The following TNN variants were observed in gnomAD, a reference collection of about 807,000 sequenced individuals.
TNN encodes tenascin-N.
Under a neutral mutation model 134.4 loss-of-function variants are expected in TNN, and 122 were observed. The ratio of observed to expected loss-of-function variants is 0.91; its 90% CI spans 0.78 to 1.06. TNN has a LOEUF of 1.06. Among genes scored for constraint, TNN ranks in the 50% least tolerant of loss-of-function variants. The pLI is 0.00. For missense variants in TNN, 1,739 were observed against 1,699.4 expected (o/e 1.02, Z -0.41); for synonymous variants, 710 against 670.3 (o/e 1.06, Z -0.91).
At chr1:175,111,752 C>A (rs1177915751) in intron 9 of TNN, among the ~76,000 whole-genome samples, 1 of 149,398 alleles carries the variant, frequency 6.7e-6, no homozygotes, top group African/African-American at 2.5e-5. Flanking sequence ...TTAAAAGTAG[C>A]TATTGTAAAA....
chr1:175,101,276 C>T (rs553028992), intron 9 of TNN, among the ~76,000 whole-genome samples: 30 of 152,018 alleles, frequency 2.0e-4, no homozygotes, highest in East Asian at 1.9e-3. Flanking sequence ...CAGACCTTCG[C>T]GGTGAGTGTT....
chr1:175,120,958 AC>A, intron 11 of TNN, among the ~76,000 whole-genome samples: 2 of 151,934 alleles, frequency 1.3e-5, no homozygotes, highest in South Asian at 2.1e-4. Flanking sequence ...GTGCCACTAA[AC>A]CTGTAATTTT....
rs149875932 is a variant in TNN, at chr1:175,118,720, G to A, written c.2546G>A (p.Ser849Asn). 3.0e-5 allele frequency: 49 copies of A among 1,614,128 alleles called. 2 individuals carry two copies. In the South Asian group the frequency reaches 4.2e-4, roughly 14 times the overall value. The change falls in exon 11 of 19, where the codon AGC (serine) becomes AAC (asparagine). Residue 849 changes from serine to asparagine, a missense_variant. Ser to Asn is a conservative substitution (Grantham distance 46, BLOSUM62 1). Coordinates refer to ENST00000239462, the MANE Select transcript of TNN (RefSeq NM_022093.2). ...REVPVGKEQS[S>N]TVLTGLRPGM... The stretch of plus-strand genomic sequence containing the variant: ...GTTCCAGTGGGGAAGGAGCAGAGCA[G>A]CACTGTCCTGACGGGCCTGAGGCCG...
chr1:175,129,103 A>G (rs1480849521), intron 15 of TNN, among the ~76,000 whole-genome samples: 1 of 152,216 alleles, frequency 6.6e-6, no homozygotes, highest in Non-Finnish European at 1.5e-5. Flanking sequence ...CCCTATGTAC[A>G]AGACTTGTTT....
At chr1:175,069,650 A>T (rs1176762654) in intron 1 of TNN, among the ~76,000 whole-genome samples, 1 of 152,186 alleles carries the variant, frequency 6.6e-6, no homozygotes, top group Non-Finnish European at 1.5e-5. Context: ...ACATGAGATC[A>T]TGGTTTAGGT....
At chr1:175,087,437 A>G (rs565562544) in intron 6 of TNN, among the ~76,000 whole-genome samples, 4 of 152,374 alleles carry the variant, frequency 2.6e-5, no homozygotes, top group East Asian at 3.9e-4. Flanking sequence ...AACAAAAGGA[A>G]AGGCAGCTTC....
chr1:175,080,327 G>T lies in TNN; in HGVS notation c.949G>T (p.Glu317Ter). The T allele has an allele frequency of 6.2e-7, 1 of 1,614,124 alleles. No individual in the cohort carries two copies. Among genetic ancestry groups the T allele is most frequent in the Non-Finnish European group, 8.5e-7 (1 of 1,180,004 alleles). ...AGTGCCCAAGGAGCAGCACAGCTAT[G>T]AGATTCTTGGTTTGCTGCCTGGAAC... ...IQVPKEQHSY[E>*]ILGLLPGTKY... The change falls in exon 4 of 19, where the codon GAG becomes TAG. Residue 317 changes from glutamate (E) to a stop codon, truncating the protein, a stop_gained. Transcript: ENST00000239462. LOFTEE classifies it high-confidence loss of function.
intron 1 of TNN, among the ~76,000 whole-genome samples, chr1:175,072,461 A>G (rs559024392): frequency 7.9e-5 from 12 of 152,194 alleles, no homozygotes; most frequent in Non-Finnish European, 1.6e-4. Context: ...CCCTATTTGG[A>G]AATGTATCAT....
chr1:175,111,115 C>T (rs576926465), intron 9 of TNN, among the ~76,000 whole-genome samples: 24 of 151,970 alleles, frequency 1.6e-4, no homozygotes, highest in African/African-American at 4.8e-4. Context: ...GACAGAAGTT[C>T]GAGACCAGCC....
chr1:175,140,992 T>C (rs964453043), intron 17 of TNN, among the ~76,000 whole-genome samples: 3 of 152,204 alleles, frequency 2.0e-5, no homozygotes, highest in African/African-American at 7.2e-5. Context: ...CCAGCCTCTA[T>C]CTTCATTTTA....
chr1:175,080,156 C>G lies in TNN; in HGVS notation c.785-7C>G. On this transcript the variant is annotated splice_region_variant and splice_polypyrimidine_tract_variant and intron_variant, in intron 3 of 18. Transcript: ENST00000239462. ...CCCTCTCTGCCCTGTTCCTGTTCTG[C>G]CTGCAGTGGTCACCCCACAGGGCCT... 2 of 1,613,322 alleles carry G rather than the reference C, an allele frequency of 1.2e-6. No individual in the cohort carries two copies. The highest frequency in any genetic ancestry group is 1.7e-6 in the Non-Finnish European group (2 of 1,179,820).
In TNN at chr1:175,083,874, G is replaced by A. The variant is rs1466790559; in HGVS notation, c.1173G>A (p.Gln391=). Residue 391 remains glutamine (Q), a synonymous_variant, in exon 5 of 19, where the codon CAG becomes CAA. Coordinates refer to ENST00000239462, the MANE Select transcript of TNN (RefSeq NM_022093.2). ...TGCGATATGGCCCCATGACAGGACAGGAGGTAGCTGAGGTCACTGTGCCCA... is the reference window on the plus strand; with the variant it reads ...TGCGATATGGCCCCATGACAGGACAAGAGGTAGCTGAGGTCACTGTGCCCA... The part of the protein sequence containing the change: ...YKLRYGPMTG[Q]EVAEVTVPKS... 2 of 1,614,202 alleles carry A rather than the reference G, an allele frequency of 1.2e-6. No homozygotes were observed. The highest frequency in any genetic ancestry group is 1.1e-5 in the South Asian group (1 of 91,084).
At chr1:175,124,582 G>A (rs1201433889) in intron 12 of TNN, among the ~76,000 whole-genome samples, 1 of 152,192 alleles carries the variant, frequency 6.6e-6, no homozygotes, top group Non-Finnish European at 1.5e-5. Flanking sequence ...TTGGGAGGCT[G>A]AGACAGGAGA....
intron 7 of TNN, among the ~76,000 whole-genome samples, chr1:175,095,562 T>TTTTG (rs947513717): frequency 6.6e-6 from 1 of 152,036 alleles, no homozygotes; most frequent in Admixed American, 6.5e-5. Context: ...GGGTCAGCAT[T>TTTTG]TTTGTTTGTT....
chr1:175,090,436 A>T (rs1674417523), intron 6 of TNN, among the ~76,000 whole-genome samples: 1 of 122,114 alleles, frequency 8.2e-6, no homozygotes, highest in Non-Finnish European at 1.7e-5. Flanking sequence ...CAAATCAATG[A>T]CACAGGTCCT....
intron 11 of TNN, among the ~76,000 whole-genome samples, chr1:175,122,945 A>T (rs776161108): frequency 6.6e-6 from 1 of 152,150 alleles, no homozygotes; most frequent in South Asian, 2.1e-4. Context: ...TTAACATAAG[A>T]TGTCAACAGG....
intron 12 of TNN, among the ~76,000 whole-genome samples, chr1:175,126,096 G>C (rs548989764): frequency 3.2e-4 from 26 of 81,500 alleles, no homozygotes; most frequent in Admixed American, 1.8e-3. Context: ...ATAACTTTTT[G>C]TTTCTTTCTT....
At chr1:175,071,263 T>A (rs1673907938) in intron 1 of TNN, among the ~76,000 whole-genome samples, 1 of 152,178 alleles carries the variant, frequency 6.6e-6, no homozygotes. Context: ...AAGTAGTATT[T>A]TTTTTTTCCT....
chr1:175,143,128 C>T (rs1029828675), intron 17 of TNN, among the ~76,000 whole-genome samples: 2 of 152,172 alleles, frequency 1.3e-5, no homozygotes, highest in South Asian at 2.1e-4. Context: ...TGTTTGTGGA[C>T]GGTGGGACCT....
Sources: gnomAD v4.1 joint callset for allele counts (sites outside exome capture counted in the v4.1 genomes callset) on GRCh38, gnomAD v4.1.1 for gene constraint, MANE v1.5 for transcripts, NCBI Gene and HGNC (gene_info 2026-07-23, HGNC 2026-07-21) for gene names.